Variants in ARG1 observed in about 807,000 individuals in gnomAD.
ARG1 encodes the protein arginase-1.
A neutral mutation model predicts 33.0 loss-of-function variants in ARG1; 20 were observed. The ratio of observed to expected loss-of-function variants is 0.61; its 90% CI spans 0.43 to 0.88. ARG1 has a LOEUF of 0.88. ARG1 is among the 40% of genes least tolerant of loss of function. The pLI is 0.00. For missense variants in ARG1, 374 were observed against 384.7 expected, an observed-to-expected ratio of 0.97 and a Z score of 0.23; for synonymous variants, 146 against 140.6, an observed-to-expected ratio of 1.04 and a Z score of -0.27.
intron 7 of ARG1, 68 bp downstream of exon 7, chr6:131,583,559 G>T: frequency 6.9e-7 from 1 of 1,457,436 alleles, no homozygotes; most frequent in South Asian, 1.2e-5. Context: ...ATACCTCCTT[G>T]ACCTGAAACC....
At chr6:131,576,316 G>C (rs1211412798) in intron 1 of ARG1, among the ~76,000 whole-genome samples, 1 of 152,210 alleles carries the variant, frequency 6.6e-6, no homozygotes, top group Non-Finnish European at 1.5e-5. Flanking sequence ...GACTGCTTTT[G>C]CACAAACTAC....
intron 2 of ARG1, 22 bp from the exon 3 acceptor site, chr6:131,579,089 A>G (rs957228613): frequency 1.2e-6 from 2 of 1,613,402 alleles, no homozygotes; most frequent in African/African-American, 2.7e-5. Context: ...TAATTTAGTA[A>G]CTCAAAACTT....
rs1585431238 is a variant in ARG1 at position 131,584,162 on chromosome 6, T to C, written c.*254T>C. 2.2e-6 allele frequency: 1 copy of C among 461,506 alleles called. No individual in the cohort carries two copies. The highest frequency in any genetic ancestry group is 4.3e-5 in the East Asian group (1 of 23,486). 28.6% of individuals were successfully genotyped at this position (461,506 alleles called of 1,614,324 possible). A position where few individuals can be genotyped will look rare whatever the true frequency, so the allele number is the denominator to read the frequency against. On this transcript the variant is annotated 3_prime_UTR_variant, in exon 8 of 8. Coordinates refer to ENST00000368087, the MANE Select transcript of ARG1 (RefSeq NM_000045.4). ...TTAGAAAGAGAAGTGTACATTGATT[T>C]CCAATTAAAAATTTGCTGGCATTAA...
At chr6:131,582,784 C>A in intron 5 of ARG1, 69 bp downstream of exon 5, 1 of 1,312,276 alleles carries the variant, frequency 7.6e-7, no homozygotes, top group Non-Finnish European at 1.1e-6. Context: ...GCTTTACTGA[C>A]CAACTCTATG....
intron 1 of ARG1, 101 bp from the exon 2 acceptor site, chr6:131,576,562 G>A: frequency 8.7e-7 from 1 of 1,149,480 alleles, no homozygotes; most frequent in Non-Finnish European, 1.3e-6. Flanking sequence ...CTCAAAAAAT[G>A]ATAGTTACAG....
Position 131,581,212 on chromosome 6 carries a change from C to A in ARG1, c.306-7C>A. 4.3e-6 allele frequency: 7 copies of A among 1,613,702 alleles called. No homozygotes were observed. The highest frequency in any genetic ancestry group is 5.9e-6 in the Non-Finnish European group (7 of 1,179,742). On this transcript the variant is annotated splice_polypyrimidine_tract_variant and splice_region_variant and intron_variant, in intron 3 of 7. Coordinates refer to ENST00000368087, the MANE Select transcript of ARG1 (RefSeq NM_000045.4). Reference sequence around the variant, plus strand: ...CTGATGTTCACACAAAATTTTTTCCCCAAAAGTTTGGCAATTGGAAGCATC... The same window carrying A: ...CTGATGTTCACACAAAATTTTTTCCACAAAAGTTTGGCAATTGGAAGCATC...
chr6:131,578,324 A>C (rs894255895), intron 2 of ARG1, among the ~76,000 whole-genome samples: 4 of 152,228 alleles, frequency 2.6e-5, no homozygotes, highest in Non-Finnish European at 5.9e-5. Context: ...TTACTAAATC[A>C]GATTCACACA....
rs1773630440 is a variant in ARG1 at position 131,576,702 on chromosome 6, A to C, written c.97A>C (p.Lys33Gln). The C allele has an allele frequency of 6.2e-7, 1 of 1,614,150 alleles. No individual in the cohort carries two copies. The highest frequency in any genetic ancestry group is 2.2e-5 in the East Asian group (1 of 44,878). The change falls in exon 2 of 8, where the codon AAG (lysine) becomes CAG (glutamine). Residue 33 changes from lysine (K) to glutamine (Q), a missense_variant. By Grantham distance (53) the Lys-to-Gln change is moderately conservative. Coordinates refer to ENST00000368087, the MANE Select transcript of ARG1 (RefSeq NM_000045.4). The stretch of plus-strand genomic sequence containing the variant: ...GGAAGAAGGCCCTACAGTATTGAGA[A>C]AGGCTGGTCTGCTTGAGAAACTTAA... Reference protein sequence around the residue: ...GVEEGPTVLRKAGLLEKLKEQ... With the variant: ...GVEEGPTVLRQAGLLEKLKEQ...
intron 1 of ARG1, among the ~76,000 whole-genome samples, chr6:131,576,256 A>T (rs1773607357): frequency 6.6e-6 from 1 of 152,222 alleles, no homozygotes; most frequent in Admixed American, 6.5e-5. Context: ...CTATCAGCTT[A>T]TGAGGGACTC....
Position 131,576,689 on chromosome 6 carries a change from T to C in ARG1, c.84T>C (p.Pro28=). 1 of 1,614,108 alleles carries C rather than the reference T, an allele frequency of 6.2e-7. No homozygotes were observed. Among genetic ancestry groups the C allele is most frequent in the Middle Eastern group, 1.6e-4 (1 of 6,062 alleles). The change falls in exon 2 of 8, where the codon CCT becomes CCC. Residue 28 remains proline, a synonymous_variant. Coordinates refer to ENST00000368087, the MANE Select transcript of ARG1 (RefSeq NM_000045.4). ...GQPRGGVEEG[P]TVLRKAGLLE... ...CACGAGGAGGGGTGGAAGAAGGCCC[T>C]ACAGTATTGAGAAAGGCTGGTCTGC...
rs138584410 is a variant in ARG1 at position 131,573,288 on chromosome 6, C to T, written c.6C>T (p.Ser2=). 60 of 1,613,850 alleles carry T rather than the reference C, an allele frequency of 3.7e-5. No homozygotes were observed. The highest frequency in any genetic ancestry group is 6.7e-5 in the East Asian group (3 of 44,878). ...GCAAAGAGAAGTGTCAGAGCATGAG[C>T]GCCAAGTCCAGAACCATAGGGATTA... The part of the protein sequence containing the change: M[S]AKSRTIGIIG... Residue 2 remains serine, a synonymous_variant, in exon 1 of 8, where the codon AGC becomes AGT. Transcript: ENST00000368087.
rs993784608 is a variant in ARG1 at position 131,583,122 on chromosome 6, T to C, written c.623T>C (p.Ile208Thr). Residue 208 changes from isoleucine (I) to threonine (T), a missense_variant, in exon 6 of 8, where the codon ATT becomes ACT. Ile to Thr is a moderately conservative substitution (Grantham distance 89). Coordinates refer to ENST00000368087, the MANE Select transcript of ARG1 (RefSeq NM_000045.4). ...ATGACTGAAGTGGACAGACTAGGAA[T>C]TGGCAAGGTGATGGAAGAAACACTC... ...FSMTEVDRLG[I>T]GKVMEETLSY... 1.9e-6 allele frequency: 3 copies of C among 1,613,994 alleles called. No individual in the cohort carries two copies. Among genetic ancestry groups the C allele is most frequent in the Non-Finnish European group, 2.5e-6 (3 of 1,179,940 alleles).
At position 131,583,457 on chromosome 6, in the gene ARG1, A is replaced by G; in HGVS notation, c.768A>G (p.Glu256=). The change falls in exon 7 of 8, where the codon GAA becomes GAG. Residue 256 remains glutamate, a synonymous_variant. Coordinates refer to ENST00000368087, the MANE Select transcript of ARG1 (RefSeq NM_000045.4). ...TPVVGGLTYR[E]GLYITEEIYK... is the part of the protein sequence containing the mutation. ...TCGTGGGAGGTCTGACATACAGAGA[A>G]GGTCTCTACATCACAGAAGAAATCT... 6.2e-7 allele frequency: 1 copy of G among 1,614,152 alleles called. No homozygotes were observed. Among genetic ancestry groups the G allele is most frequent in the Non-Finnish European group, 8.5e-7 (1 of 1,179,988 alleles).
intron 3 of ARG1, among the ~76,000 whole-genome samples, chr6:131,580,528 C>T (rs576367101): frequency 3.4e-4 from 51 of 152,158 alleles, no homozygotes; most frequent in Non-Finnish European, 6.6e-4. Context: ...AACCGCAATA[C>T]TTTTGCACCA....
At chr6:131,578,177 G>T (rs1397285273) in intron 2 of ARG1, among the ~76,000 whole-genome samples, 1 of 125,516 alleles carries the variant, frequency 8.0e-6, no homozygotes, top group Non-Finnish European at 1.7e-5. Context: ...ATTACACTTC[G>T]TAAATCTTTA....
In ARG1 at chr6:131,581,229, G is replaced by C; in HGVS notation, c.316G>C (p.Gly106Arg). 1 of 1,613,796 alleles carries C rather than the reference G, an allele frequency of 6.2e-7. No individual in the cohort carries two copies. Among genetic ancestry groups the C allele is most frequent in the Non-Finnish European group, 8.5e-7 (1 of 1,179,772 alleles). ...TTTTTTCCCCAAAAGTTTGGCAATT[G>C]GAAGCATCTCTGGCCATGCCAGGGT... Reference protein sequence around the residue: ...VLGGDHSLAIGSISGHARVHP... With the variant: ...VLGGDHSLAIRSISGHARVHP... The change falls in exon 4 of 8, where the codon GGA becomes CGA. Residue 106 changes from glycine (G) to arginine (R), a missense_variant. Gly to Arg is a moderately radical substitution (Grantham distance 125). Coordinates refer to ENST00000368087, the MANE Select transcript of ARG1 (RefSeq NM_000045.4).
In ARG1 at chr6:131,582,684, A is replaced by T; in HGVS notation, c.529A>T (p.Ile177Phe). ...PCISAKDIVY[I>F]GLRDVDPGEH... is the part of the protein sequence containing the mutation. The stretch of plus-strand genomic sequence containing the variant: ...TATATCTGCCAAGGATATTGTGTAT[A>T]TTGGCTTGAGAGACGTGGACCCTGG... The change falls in exon 5 of 8, where the codon ATT becomes TTT. Residue 177 changes from isoleucine to phenylalanine, a missense_variant. Ile to Phe is a conservative substitution (Grantham distance 21). Coordinates refer to ENST00000368087, the MANE Select transcript of ARG1 (RefSeq NM_000045.4). The T allele has an allele frequency of 6.2e-7, 1 of 1,613,818 alleles. No individual in the cohort carries two copies. Among genetic ancestry groups the T allele is most frequent in the Non-Finnish European group, 8.5e-7 (1 of 1,179,810 alleles).
chr6:131,581,175 G>A (rs1668211179), intron 3 of ARG1, 44 bp from the exon 4 acceptor site: 1 of 1,597,842 alleles, frequency 6.3e-7, no homozygotes, highest in African/African-American at 1.3e-5. Flanking sequence ...TGTATGTAGT[G>A]ACACTGCAAA....
chr6:131,579,334 C>A (rs1280778547), intron 3 of ARG1, 49 bp downstream of exon 3: 1 of 1,596,326 alleles, frequency 6.3e-7, no homozygotes, highest in South Asian at 1.1e-5. Flanking sequence ...AAGGAAGTAA[C>A]CAAGGCCATA....
Sources: allele counts gnomAD v4.1 joint callset (sites outside exome capture counted in the v4.1 genomes callset), GRCh38; gene constraint gnomAD v4.1.1; transcripts MANE v1.5; gene names NCBI Gene and HGNC (gene_info 2026-07-23, HGNC 2026-07-21).